TMEM132D: variants seen among roughly 807,000 people sequenced by gnomAD.
The protein encoded by TMEM132D is mature OL transmembrane protein.
Under a neutral mutation model 62.3 loss-of-function variants are expected in TMEM132D, and 21 were observed. That is an observed-to-expected ratio of 0.34 (90% CI 0.24 to 0.49). The LOEUF (loss-of-function observed/expected upper bound fraction) is 0.49. Among genes scored for constraint, TMEM132D ranks in the 20% least tolerant of loss-of-function variants. TMEM132D has a pLI of 0.99. For synonymous variants in TMEM132D, 621 were observed against 575.6 expected (o/e 1.08, Z -1.13); for missense variants, 1,346 against 1,402.8 (o/e 0.96, Z 0.65).
intron 1 of TMEM132D, among the ~76,000 whole-genome samples, chr12:129,777,714 A>C (rs1860401078): frequency 6.6e-6 from 1 of 152,206 alleles, no homozygotes; most frequent in African/African-American, 2.4e-5. Flanking sequence ...ATCATATACC[A>C]ACTTTTTACC....
chr12:129,711,392 G>C (rs1308474379), intron 1 of TMEM132D, among the ~76,000 whole-genome samples: 1 of 152,150 alleles, frequency 6.6e-6, no homozygotes, highest in Non-Finnish European at 1.5e-5. Context: ...GTTCCAGGTG[G>C]AAAGCACTCA....
intron 1 of TMEM132D, among the ~76,000 whole-genome samples, chr12:129,831,292 C>T (rs1872822419): frequency 6.6e-6 from 1 of 152,208 alleles, no homozygotes; most frequent in Non-Finnish European, 1.5e-5. Flanking sequence ...GACAGATGAC[C>T]CTTTCAAGGC....
At chr12:129,491,178 A>G (rs770061590) in intron 3 of TMEM132D, among the ~76,000 whole-genome samples, 24 of 152,160 alleles carry the variant, frequency 1.6e-4, no homozygotes, top group Non-Finnish European at 3.2e-4. Context: ...CAAATGCGAT[A>G]ATTCATGATG....
intron 3 of TMEM132D, among the ~76,000 whole-genome samples, chr12:129,389,801 C>T (rs1184385485): frequency 1.3e-5 from 2 of 152,214 alleles, no homozygotes; most frequent in African/African-American, 2.4e-5. Flanking sequence ...ACTATTACTT[C>T]TTCCACTAAG....
intron 3 of TMEM132D, among the ~76,000 whole-genome samples, chr12:129,432,266 GATGGATGGATCA>G (rs1416448508): frequency 7.4e-6 from 1 of 134,664 alleles, no homozygotes; most frequent in East Asian, 2.2e-4. Flanking sequence ...TGGATGGAAG[GATGGATGGATCA>G]ATGGATGGAT....
At chr12:129,580,187 C>T (rs747237370) in intron 2 of TMEM132D, among the ~76,000 whole-genome samples, 3 of 152,162 alleles carry the variant, frequency 2.0e-5, no homozygotes, top group African/African-American at 7.2e-5. Context: ...CTTACTCCTC[C>T]ACCTTTCTGG....
rs2135611532 is a variant in TMEM132D, at chr12:129,078,699, G to A, written c.1950C>T (p.Ile650=). The change falls in exon 8 of 9, where the codon ATC becomes ATT. Residue 650 remains isoleucine (I), a synonymous_variant. Transcript: ENST00000422113. ...IQILSPLSDT[I]LAEKTITVLD... ...GCACAGTGATGGTCTTTTCAGCGAG[G>A]ATGGTGTCTGACAGAGGAGACAGGA... 1 of 1,614,174 alleles carries A rather than the reference G, an allele frequency of 6.2e-7. No homozygotes were observed. The highest frequency in any genetic ancestry group is 8.5e-7 in the Non-Finnish European group (1 of 1,180,022).
At position 129,152,118 on chromosome 12, in the gene TMEM132D, GATCTA is replaced by G. The variant is rs558045392; in HGVS notation, c.1443+57397_1443+57401del. 4.6e-3 allele frequency among the ~76,000 whole-genome samples: 694 copies of G among 152,234 alleles called. 4 individuals carry two copies. The highest frequency in any genetic ancestry group is 0.015 in the African/African-American group (622 of 41,544). ...TCTCGATCTCTTGACCTCATGATCT[GATCTA>G]CCCCCGCCTTGGCCTCCCAAAGTGC... On this transcript the variant is annotated intron_variant, in intron 5 of 8. Transcript: ENST00000422113.
chr12:129,195,240 T>C (rs1878515459), intron 5 of TMEM132D, among the ~76,000 whole-genome samples: 1 of 151,300 alleles, frequency 6.6e-6, no homozygotes, highest in Non-Finnish European at 1.5e-5. Context: ...CAGGGTGAGG[T>C]CTCCAGGCAG....
chr12:129,310,225 G>A (rs1395718413), intron 4 of TMEM132D, among the ~76,000 whole-genome samples: 1 of 152,180 alleles, frequency 6.6e-6, no homozygotes, highest in Non-Finnish European at 1.5e-5. Context: ...GGGTGGGTGG[G>A]AGGTGGCAGG....
intron 2 of TMEM132D, among the ~76,000 whole-genome samples, chr12:129,638,647 A>G (rs1274987585): frequency 6.7e-6 from 1 of 149,956 alleles, no homozygotes; most frequent in Non-Finnish European, 1.5e-5. Context: ...TGAATCTCTG[A>G]AGGCGTTTAG....
chr12:129,298,549 C>A (rs190707909), intron 4 of TMEM132D, among the ~76,000 whole-genome samples: 1 of 152,244 alleles, frequency 6.6e-6, no homozygotes, highest in East Asian at 1.9e-4. Flanking sequence ...AGTAAAACAC[C>A]AGAACTGCTT....
rs150776715 is a variant in TMEM132D, at chr12:129,838,764, G to T, written c.79+64497C>A. Among the ~76,000 whole-genome samples, 84 of 152,238 alleles carry T rather than the reference G, an allele frequency of 5.5e-4. 1 individual carries two copies. The East Asian group carries it at 0.015, about 28-fold the overall frequency. ...GCAAACAAGAACACTATTTAACCTA[G>T]TAGTAATCAAAGACAAGCAAATTAA... On this transcript the variant is annotated intron_variant, in intron 1 of 8. Coordinates refer to ENST00000422113, the MANE Select transcript of TMEM132D (RefSeq NM_133448.3).
intron 3 of TMEM132D, among the ~76,000 whole-genome samples, chr12:129,414,791 C>T (rs148748346): frequency 6.0e-4 from 91 of 152,318 alleles, no homozygotes; most frequent in African/African-American, 2.0e-3. Flanking sequence ...GACACTTTGA[C>T]GAGCATCTCC....
intron 1 of TMEM132D, among the ~76,000 whole-genome samples, chr12:129,850,985 A>G (rs924663710): frequency 6.6e-6 from 1 of 152,220 alleles, no homozygotes; most frequent in African/African-American, 2.4e-5. Context: ...ATCAGCAGTT[A>G]TTGGTGTGTG....
chr12:129,413,349 C>A lies in TMEM132D; in HGVS notation c.1116-75532G>T, dbSNP rs11060329. ...TCATTTTCTCTCTTGCCTGCCACCACGTAAGACATGCCTTTTGCCTTCTGC... is the reference window on the plus strand; with the variant it reads ...TCATTTTCTCTCTTGCCTGCCACCAAGTAAGACATGCCTTTTGCCTTCTGC... On this transcript the variant is annotated intron_variant, in intron 3 of 8. Transcript: ENST00000422113. Among the ~76,000 whole-genome samples, 922 of 152,284 alleles carry A rather than the reference C, an allele frequency of 6.1e-3. 23 individuals are homozygous for A. The East Asian group carries it at 0.064, about 11-fold the overall frequency.
chr12:129,815,803 T>C (rs1036099965), intron 1 of TMEM132D, among the ~76,000 whole-genome samples: 2 of 152,258 alleles, frequency 1.3e-5, no homozygotes, highest in African/African-American at 4.8e-5. Flanking sequence ...TACAATTACT[T>C]TGTATTTTTT....
chr12:129,638,247 T>C lies in TMEM132D; in HGVS notation c.968+61563A>G, dbSNP rs991979332. On this transcript the variant is annotated intron_variant, in intron 2 of 8. Coordinates refer to ENST00000422113, the MANE Select transcript of TMEM132D (RefSeq NM_133448.3). ...TCTGTTTGGTCTGTTAGCATCATCATGGTTTCACCATATCACATGGGAAGC... is the reference window on the plus strand; with the variant it reads ...TCTGTTTGGTCTGTTAGCATCATCACGGTTTCACCATATCACATGGGAAGC... 3.3e-5 allele frequency among the ~76,000 whole-genome samples: 5 copies of C among 152,298 alleles called. No individual in the cohort carries two copies. In the East Asian group the frequency reaches 5.8e-4, roughly 18 times the overall value.
At position 129,585,289 on chromosome 12, in the gene TMEM132D, G is replaced by GGACGCCCATGTTCTACATAGCCAAT. The variant is rs1263263449; in HGVS notation, c.969-54085_969-54084insATTGGCTATGTAGAACATGGGCGTC. ...TCATGCCCATGTTCTACATAGCCAA[G>GGACGCCCATGTTCTACATAGCCAAT]GACGCCCACATTCTACATAGCAGGG... On this transcript the variant is annotated intron_variant, in intron 2 of 8. Coordinates refer to ENST00000422113, the MANE Select transcript of TMEM132D (RefSeq NM_133448.3). Among the ~76,000 whole-genome samples the GGACGCCCATGTTCTACATAGCCAAT allele has an allele frequency of 3.3e-5, 5 of 152,116 alleles. No individual in the cohort carries two copies. The East Asian group carries it at 9.6e-4, about 29-fold the overall frequency.
Sources: gnomAD v4.1 joint callset for allele counts (sites outside exome capture counted in the v4.1 genomes callset) on GRCh38, gnomAD v4.1.1 for gene constraint, MANE v1.5 for transcripts, NCBI Gene and HGNC (gene_info 2026-07-23, HGNC 2026-07-21) for gene names.